LRFN2: variants seen among roughly 807,000 people sequenced by gnomAD.
The protein encoded by LRFN2 is leucine rich repeat and fibronectin type III domain containing 2.
Under a neutral mutation model 37.3 loss-of-function variants are expected in LRFN2, and 18 were observed. The ratio of observed to expected loss-of-function variants is 0.48; its 90% CI spans 0.33 to 0.72. The LOEUF (loss-of-function observed/expected upper bound fraction) is 0.72, where lower values mean the gene tolerates loss of function less well. Ranked by LOEUF, LRFN2 falls within the 30% of genes least tolerant of loss-of-function variation. The probability of loss-of-function intolerance (pLI) is 0.02; values close to 1 mark genes in which losing one functional copy is unlikely to be tolerated. For missense variants in LRFN2, 1,006 were observed against 1,060.7 expected (o/e 0.95, Z 0.72); for synonymous variants, 556 against 466.6 (o/e 1.19, Z -2.47).
At chr6:40,523,768 A>G (rs1485671592) in intron 1 of LRFN2, 1 of 152,210 alleles carries the variant, frequency 6.6e-6, no homozygotes, top group Non-Finnish European at 1.5e-5. Context: ...TCCCGTGGCC[A>G]TGCCAAACCA....
intron 2 of LRFN2, among the ~76,000 whole-genome samples, chr6:40,403,306 G>A (rs1431654100): frequency 1.1e-4 from 2 of 18,484 alleles, no homozygotes; most frequent in Non-Finnish European, 3.1e-4. Context: ...CAGGGCCTGA[G>A]TGATAATGGG....
intron 1 of LRFN2, among the ~76,000 whole-genome samples, chr6:40,552,733 G>A (rs364561): frequency 0.094 from 14,305 of 151,922 alleles, 799 homozygotes; most frequent in Non-Finnish European, 0.12. Flanking sequence ...TTTAGAAAAG[G>A]AAAGGAAGAA....
At chr6:40,416,813 G>A (rs1212611035) in intron 2 of LRFN2, among the ~76,000 whole-genome samples, 2 of 152,122 alleles carry the variant, frequency 1.3e-5, no homozygotes, top group Admixed American at 1.3e-4. Flanking sequence ...AACCCACTTC[G>A]CCATCTCCCA....
chr6:40,467,561 G>C lies in LRFN2; in HGVS notation c.-18-34430C>G, dbSNP rs374373976. Among the ~76,000 whole-genome samples the C allele has an allele frequency of 2.0e-5, 3 of 152,256 alleles. No individual in the cohort carries two copies. The East Asian group carries it at 5.8e-4, about 29-fold the overall frequency. On this transcript the variant is annotated intron_variant, in intron 1 of 2. Coordinates refer to ENST00000338305, the MANE Select transcript of LRFN2 (RefSeq NM_020737.3). ...AAAGTCCAGAGTAGCAATACAACAG[G>C]GCTTTACAGGTGAGCTATCTGCAAC...
chr6:40,565,738 C>G (rs113181456), intron 1 of LRFN2, among the ~76,000 whole-genome samples: 69,818 of 144,698 alleles, frequency 0.48, 16,203 homozygotes, highest in Middle Eastern at 0.59. Context: ...ATTAATTCAA[C>G]ATGGATTAAA....
At chr6:40,416,091 C>A (rs1033408862) in intron 2 of LRFN2, among the ~76,000 whole-genome samples, 1 of 152,198 alleles carries the variant, frequency 6.6e-6, no homozygotes, top group East Asian at 1.9e-4. Flanking sequence ...TCACTGCAAC[C>A]TCTGCCTCCT....
rs998121947 is a variant in LRFN2 at position 40,444,797 on chromosome 6, C to A, written c.-18-11666G>T. ...CAGAAAACCCTAGCAGTTCTGTCCA[C>A]CCCGCACAGTCTCCCTCTCAGTCCT... On this transcript the variant is annotated intron_variant, in intron 1 of 2. Transcript: ENST00000338305. Among the ~76,000 whole-genome samples, 3 of 152,282 alleles carry A rather than the reference C, an allele frequency of 2.0e-5. No individual in the cohort carries two copies. In the East Asian group the frequency reaches 5.8e-4, roughly 29 times the overall value.
At chr6:40,565,969 T>G (rs1324055869) in intron 1 of LRFN2, among the ~76,000 whole-genome samples, 1 of 151,466 alleles carries the variant, frequency 6.6e-6, no homozygotes, top group East Asian at 1.9e-4. Context: ...TGGGAGAAAA[T>G]TTTTGCAACC....
At chr6:40,433,240 T>C (rs1375895970) in intron 1 of LRFN2, 109 bp from the exon 2 acceptor site, 2 of 863,948 alleles carry the variant, frequency 2.3e-6, no homozygotes, top group Non-Finnish European at 1.7e-6. Context: ...TGGCATAGAA[T>C]GGCAAGTGCT....
intron 1 of LRFN2, among the ~76,000 whole-genome samples, chr6:40,476,818 G>A (rs1416898225): frequency 6.6e-6 from 1 of 152,204 alleles, no homozygotes; most frequent in Admixed American, 6.5e-5. Context: ...ACAGGCCTCG[G>A]ATGTTGGTGG....
chr6:40,425,697 C>T (rs971421088), intron 2 of LRFN2, among the ~76,000 whole-genome samples: 1 of 152,216 alleles, frequency 6.6e-6, no homozygotes, highest in Non-Finnish European at 1.5e-5. Context: ...ACAGGCCAGG[C>T]CCTGCTGGTG....
rs989886201 is a variant in LRFN2, at chr6:40,569,341, G to A, written c.-19+17600C>T. ...ATTTAGACCTCAGGGCTTTCAGGGGGTAGGGCAGGGATCATAAATGAGGAA... is the reference window on the plus strand; with the variant it reads ...ATTTAGACCTCAGGGCTTTCAGGGGATAGGGCAGGGATCATAAATGAGGAA... On this transcript the variant is annotated intron_variant, in intron 1 of 2. Transcript: ENST00000338305. Among the ~76,000 whole-genome samples, 6 of 152,292 alleles carry A rather than the reference G, an allele frequency of 3.9e-5. 1 individual carries two copies. The South Asian group carries it at 1.2e-3, about 32-fold the overall frequency.
chr6:40,474,473 C>T (rs1361689461), intron 1 of LRFN2, among the ~76,000 whole-genome samples: 1 of 151,856 alleles, frequency 6.6e-6, no homozygotes, highest in African/African-American at 2.4e-5. Flanking sequence ...TACTTTAATC[C>T]ATTTATTTTT....
At chr6:40,498,524 A>T (rs1443483846) in intron 1 of LRFN2, among the ~76,000 whole-genome samples, 4 of 152,212 alleles carry the variant, frequency 2.6e-5, no homozygotes, top group Non-Finnish European at 5.9e-5. Flanking sequence ...TTACAAAAAA[A>T]GCATGTAGAC....
intron 1 of LRFN2, among the ~76,000 whole-genome samples, chr6:40,508,668 G>T (rs1038589534): frequency 5.9e-5 from 9 of 152,148 alleles, no homozygotes; most frequent in Non-Finnish European, 5.9e-5. Context: ...TATTTTTAAG[G>T]GTTGGCATAG....
At chr6:40,549,817 C>T (rs1766736122) in intron 1 of LRFN2, among the ~76,000 whole-genome samples, 1 of 152,076 alleles carries the variant, frequency 6.6e-6, no homozygotes, top group African/African-American at 2.4e-5. Context: ...GCAGGCGGAT[C>T]ACCTGAGGTA....
chr6:40,391,909 C>T lies in LRFN2; in HGVS notation c.*34G>A. ...TGAGATTCTTTCCCCTTCTCCCACC[C>T]TGCGCACAGGAAAGGGAGCATGCCC... is the stretch of plus-strand genomic sequence containing the variant. On this transcript the variant is annotated 3_prime_UTR_variant, in exon 3 of 3. Coordinates refer to ENST00000338305, the MANE Select transcript of LRFN2 (RefSeq NM_020737.3). 1 of 1,497,620 alleles carries T rather than the reference C, an allele frequency of 6.7e-7. No homozygotes were observed. The highest frequency in any genetic ancestry group is 8.9e-7 in the Non-Finnish European group (1 of 1,121,690). 92.8% of individuals were successfully genotyped at this position (1,497,620 alleles called of 1,614,324 possible).
intron 1 of LRFN2, among the ~76,000 whole-genome samples, chr6:40,467,364 T>C (rs955340651): frequency 5.3e-5 from 8 of 152,112 alleles, no homozygotes; most frequent in African/African-American, 1.9e-4. Context: ...CCTTGGAGGC[T>C]GGACTCAGCC....
At chr6:40,407,593 T>C (rs967605606) in intron 2 of LRFN2, among the ~76,000 whole-genome samples, 21 of 152,242 alleles carry the variant, frequency 1.4e-4, no homozygotes, top group African/African-American at 5.1e-4. Flanking sequence ...GAAGAGCTTG[T>C]TCAACAACAA....
Sources: gnomAD v4.1 joint callset for allele counts (sites outside exome capture counted in the v4.1 genomes callset) on GRCh38, gnomAD v4.1.1 for gene constraint, MANE v1.5 for transcripts, NCBI Gene and HGNC (gene_info 2026-07-23, HGNC 2026-07-21) for gene names.